CAMKMT: variants seen among roughly 807,000 people sequenced by gnomAD.
The protein encoded by CAMKMT is CaM KMT.
A neutral mutation model predicts 48.0 loss-of-function variants in CAMKMT; 53 were observed. That is an observed-to-expected ratio of 1.10 (90% CI 0.89 to 1.39). CAMKMT has a LOEUF of 1.39. Among genes scored for constraint, CAMKMT ranks in the 40% most tolerant of loss-of-function variants. The pLI is 0.00. For synonymous variants in CAMKMT, 165 were observed against 152.3 expected, an observed-to-expected ratio of 1.08 and a Z score of -0.61; for missense variants, 428 against 402.7, an observed-to-expected ratio of 1.06 and a Z score of -0.54.
chr2:44,614,838 T>G (rs1671780818), intron 3 of CAMKMT, among the ~76,000 whole-genome samples: 1 of 152,016 alleles, frequency 6.6e-6, no homozygotes, highest in Non-Finnish European at 1.5e-5. Flanking sequence ...TTTGCTTCTT[T>G]TTCTTTTGCA....
chr2:44,513,425 C>A (rs540678555), intron 3 of CAMKMT, among the ~76,000 whole-genome samples: 4 of 152,306 alleles, frequency 2.6e-5, no homozygotes, highest in South Asian at 4.1e-4. Context: ...ATTTGCTATT[C>A]CATTGCATCA....
intron 3 of CAMKMT, among the ~76,000 whole-genome samples, chr2:44,505,292 CTT>C (rs1670203966): frequency 6.6e-6 from 1 of 152,078 alleles, no homozygotes; most frequent in Non-Finnish European, 1.5e-5. Flanking sequence ...ACATGCTACT[CTT>C]TGTTGGATAT....
At chr2:44,443,655 A>G (rs1448905222) in intron 3 of CAMKMT, among the ~76,000 whole-genome samples, 3 of 152,226 alleles carry the variant, frequency 2.0e-5, no homozygotes, top group Non-Finnish European at 4.4e-5. Flanking sequence ...GAGAAGAATA[A>G]AGGTTGATCA....
chr2:44,642,535 A>G (rs1479128331), intron 3 of CAMKMT, among the ~76,000 whole-genome samples: 1 of 152,106 alleles, frequency 6.6e-6, no homozygotes, highest in Non-Finnish European at 1.5e-5. Flanking sequence ...TGAAAAGAAG[A>G]CTGGTTGTCA....
At chr2:44,659,015 G>A (rs935954403) in intron 3 of CAMKMT, among the ~76,000 whole-genome samples, 6 of 150,102 alleles carry the variant, frequency 4.0e-5, no homozygotes, top group Non-Finnish European at 8.8e-5. Context: ...CATGTTGTTA[G>A]CTGTTGGTCC....
intron 8 of CAMKMT, among the ~76,000 whole-genome samples, chr2:44,751,518 A>G (rs571301444): frequency 6.6e-6 from 1 of 152,362 alleles, no homozygotes; most frequent in African/African-American, 2.4e-5. Flanking sequence ...ATGAGCTATG[A>G]AAACCTCTTA....
intron 3 of CAMKMT, among the ~76,000 whole-genome samples, chr2:44,546,411 C>G (rs1032218273): frequency 2.6e-5 from 4 of 152,192 alleles, no homozygotes; most frequent in Admixed American, 2.6e-4. Context: ...ACGACCATTT[C>G]CATCATCACA....
intron 2 of CAMKMT, among the ~76,000 whole-genome samples, chr2:44,381,940 CT>C (rs11440012): frequency 0.031 from 3,881 of 124,756 alleles, 97 homozygotes; most frequent in African/African-American, 0.1. Context: ...TTATCTTACA[CT>C]TTTTTTTTTT....
At chr2:44,739,316 A>AT (rs1679534945) in intron 7 of CAMKMT, among the ~76,000 whole-genome samples, 1 of 152,184 alleles carries the variant, frequency 6.6e-6, no homozygotes, top group South Asian at 2.1e-4. Flanking sequence ...AAGTGGTTAG[A>AT]TTTTGATATA....
intron 3 of CAMKMT, among the ~76,000 whole-genome samples, chr2:44,460,695 A>G (rs907551000): frequency 1.3e-5 from 2 of 148,852 alleles, no homozygotes; most frequent in African/African-American, 5.0e-5. Context: ...GACATAATAC[A>G]GTTTCAGTGA....
chr2:44,469,979 T>C (rs1469632173), intron 3 of CAMKMT, among the ~76,000 whole-genome samples: 1 of 152,072 alleles, frequency 6.6e-6, no homozygotes, highest in Non-Finnish European at 1.5e-5. Flanking sequence ...TCTTAATTTC[T>C]TCTAGCTTGT....
At chr2:44,398,023 T>C (rs2603253) in intron 3 of CAMKMT, among the ~76,000 whole-genome samples, 107,883 of 151,476 alleles carry the variant, frequency 0.71, 39,069 homozygotes, top group South Asian at 0.79. Flanking sequence ...TTTTTATTTT[T>C]CCCCCGAGCA....
At chr2:44,675,074 C>T (rs959300826) in intron 3 of CAMKMT, among the ~76,000 whole-genome samples, 1 of 146,348 alleles carries the variant, frequency 6.8e-6, no homozygotes, top group Non-Finnish European at 1.5e-5. Flanking sequence ...ATTTACCAAC[C>T]TTAAGGGGGG....
intron 3 of CAMKMT, among the ~76,000 whole-genome samples, chr2:44,599,933 G>C (rs532292511): frequency 1.3e-5 from 2 of 151,808 alleles, no homozygotes; most frequent in African/African-American, 4.8e-5. Context: ...AAAACGATTT[G>C]GTACTCTATG....
intron 7 of CAMKMT, among the ~76,000 whole-genome samples, chr2:44,734,749 A>T (rs1679268665): frequency 6.6e-6 from 1 of 152,190 alleles, no homozygotes; most frequent in Non-Finnish European, 1.5e-5. Flanking sequence ...ATCATTTTAA[A>T]TTTATTGAGA....
intron 7 of CAMKMT, among the ~76,000 whole-genome samples, chr2:44,739,903 A>C (rs1679577452): frequency 6.6e-6 from 1 of 152,212 alleles, no homozygotes; most frequent in Non-Finnish European, 1.5e-5. Context: ...GAGAGAGAAA[A>C]GAACTGATAT....
chr2:44,615,278 T>C (rs1006073248), intron 3 of CAMKMT, among the ~76,000 whole-genome samples: 10 of 152,074 alleles, frequency 6.6e-5, no homozygotes, highest in African/African-American at 2.4e-4. Context: ...TCAGGGGGTT[T>C]GCATTTGGCT....
intron 3 of CAMKMT, among the ~76,000 whole-genome samples, chr2:44,611,550 A>T (rs1050817339): frequency 2.6e-5 from 4 of 152,152 alleles, no homozygotes; most frequent in Non-Finnish European, 5.9e-5. Flanking sequence ...CATTATTCCT[A>T]GCAGTTTTAA....
chr2:44,434,104 A>T (rs1684807713), intron 3 of CAMKMT, among the ~76,000 whole-genome samples: 1 of 152,176 alleles, frequency 6.6e-6, no homozygotes, highest in African/African-American at 2.4e-5. Context: ...CAAAGAAAAG[A>T]TGCTGCTTTC....
Sources: allele counts gnomAD v4.1 joint callset (sites outside exome capture counted in the v4.1 genomes callset), GRCh38; gene constraint gnomAD v4.1.1; transcripts MANE v1.5; gene names NCBI Gene and HGNC (gene_info 2026-07-23, HGNC 2026-07-21).